The following CNTN1 variants were observed in gnomAD, a reference collection of about 807,000 sequenced individuals.
CNTN1 encodes the protein contactin 1.
CNTN1 carries 38 observed loss-of-function variants against 126.4 expected under a neutral mutation model. The ratio of observed to expected loss-of-function variants is 0.30; its 90% CI spans 0.23 to 0.39. The LOEUF (loss-of-function observed/expected upper bound fraction) is 0.39, where lower values mean the gene tolerates loss of function less well. Among genes scored for constraint, CNTN1 ranks in the 10% least tolerant of loss-of-function variants. The pLI is 1.00. For missense variants in CNTN1, 1,009 were observed against 1,248.4 expected, an observed-to-expected ratio of 0.81 and a Z score of 2.89; for synonymous variants, 413 against 422.6, an observed-to-expected ratio of 0.98 and a Z score of 0.28.
chr12:40,717,415 A>T (rs1942076667), intron 1 of CNTN1, among the ~76,000 whole-genome samples: 1 of 152,236 alleles, frequency 6.6e-6, no homozygotes, highest in Non-Finnish European at 1.5e-5. Flanking sequence ...GAAGAATGTC[A>T]TAGGGTATAG....
intron 23 of CNTN1, among the ~76,000 whole-genome samples, chr12:41,065,079 G>A (rs940043508): frequency 3.3e-5 from 5 of 151,684 alleles, no homozygotes; most frequent in South Asian, 2.1e-4. Flanking sequence ...TTTTTGAGAC[G>A]GAGTCTCGCT....
chr12:40,736,853 C>G (rs1182403464), intron 1 of CNTN1, among the ~76,000 whole-genome samples: 4 of 152,032 alleles, frequency 2.6e-5, no homozygotes, highest in African/African-American at 9.7e-5. Flanking sequence ...CTAACCTAAT[C>G]AGGACGCTGA....
At chr12:40,737,445 G>T (rs187973507) in intron 1 of CNTN1, among the ~76,000 whole-genome samples, 2 of 150,002 alleles carry the variant, frequency 1.3e-5, no homozygotes, top group Non-Finnish European at 3.0e-5. Context: ...TGCAAGCTGA[G>T]GAGCAAGGAG....
At chr12:40,892,231 A>G (rs944749638) in intron 1 of CNTN1, among the ~76,000 whole-genome samples, 1 of 152,126 alleles carries the variant, frequency 6.6e-6, no homozygotes, top group African/African-American at 2.4e-5. Context: ...GGATGCGAAT[A>G]GCAAAAAGTG....
At chr12:40,839,933 A>G (rs1464841394) in intron 1 of CNTN1, among the ~76,000 whole-genome samples, 2 of 152,148 alleles carry the variant, frequency 1.3e-5, no homozygotes, top group African/African-American at 4.8e-5. Context: ...GAAAAAGAAA[A>G]GGACAAGGAA....
At chr12:40,977,764 C>CTGTTT (rs56822606) in intron 15 of CNTN1, among the ~76,000 whole-genome samples, 1,280 of 69,050 alleles carry the variant, frequency 0.019, 15 homozygotes, top group Non-Finnish European at 0.019. Flanking sequence ...TAACAATCAT[C>CTGTTT]TGTTTTGTTT....
At chr12:40,760,732 A>G (rs528954402) in intron 1 of CNTN1, among the ~76,000 whole-genome samples, 1 of 152,312 alleles carries the variant, frequency 6.6e-6, no homozygotes, top group South Asian at 2.1e-4. Flanking sequence ...AAGTAAATCT[A>G]GTTGATAGCT....
intron 1 of CNTN1, among the ~76,000 whole-genome samples, chr12:40,825,791 G>C (rs1168830836): frequency 6.6e-6 from 1 of 151,986 alleles, no homozygotes; most frequent in Non-Finnish European, 1.5e-5. Context: ...TCTCTACTTT[G>C]CTGGGTTCTA....
At chr12:40,698,419 G>A (rs1941508230) in intron 1 of CNTN1, among the ~76,000 whole-genome samples, 1 of 151,532 alleles carries the variant, frequency 6.6e-6, no homozygotes, top group Admixed American at 6.6e-5. Flanking sequence ...TGTATTTTTA[G>A]TAGAGATGGG....
At chr12:40,933,415 A>G (rs773748002) in intron 7 of CNTN1, 46 bp from the exon 8 acceptor site, 2 of 1,222,882 alleles carry the variant, frequency 1.6e-6, no homozygotes, top group South Asian at 2.4e-5. Context: ...AATAACTAAT[A>G]TTGTGCCTAA....
intron 1 of CNTN1, among the ~76,000 whole-genome samples, chr12:40,707,916 C>A (rs539727067): frequency 6.6e-6 from 1 of 152,222 alleles, no homozygotes; most frequent in African/African-American, 2.4e-5. Flanking sequence ...AAACTAAGAG[C>A]AAAGGCCACT....
chr12:40,970,283 G>C (rs1341380699), intron 15 of CNTN1, among the ~76,000 whole-genome samples: 3 of 150,448 alleles, frequency 2.0e-5, no homozygotes, highest in African/African-American at 7.3e-5. Flanking sequence ...AGCAAACTCT[G>C]GTAAAATACC....
At chr12:41,033,567 G>A (rs1453669946) in intron 23 of CNTN1, among the ~76,000 whole-genome samples, 1 of 152,106 alleles carries the variant, frequency 6.6e-6, no homozygotes, top group African/African-American at 2.4e-5. Context: ...ACATTTTAGA[G>A]TCTGAACATT....
chr12:40,987,199 A>T (rs1947977132), intron 16 of CNTN1, among the ~76,000 whole-genome samples: 1 of 152,228 alleles, frequency 6.6e-6, no homozygotes, highest in Non-Finnish European at 1.5e-5. Context: ...CCACTAGGAA[A>T]CAAAGGTACA....
chr12:40,804,688 A>G (rs1168711034), intron 1 of CNTN1, among the ~76,000 whole-genome samples: 3 of 151,982 alleles, frequency 2.0e-5, no homozygotes, highest in Non-Finnish European at 2.9e-5. Context: ...TCTCAGGGTA[A>G]CTGGAGCACA....
intron 15 of CNTN1, among the ~76,000 whole-genome samples, chr12:40,979,726 A>G (rs1947771421): frequency 6.6e-6 from 1 of 151,954 alleles, no homozygotes; most frequent in Non-Finnish European, 1.5e-5. Context: ...TTTTTCTCTT[A>G]TTTTTATTTG....
intron 1 of CNTN1, among the ~76,000 whole-genome samples, chr12:40,846,457 C>T (rs1942506134): frequency 6.6e-6 from 1 of 152,142 alleles, no homozygotes; most frequent in Non-Finnish European, 1.5e-5. Flanking sequence ...AACAGCGAAA[C>T]TCCGTCTCAG....
At chr12:41,068,257 G>T (rs2067425402) in intron 23 of CNTN1, among the ~76,000 whole-genome samples, 1 of 152,106 alleles carries the variant, frequency 6.6e-6, no homozygotes, top group Non-Finnish European at 1.5e-5. Context: ...ACCATTGTAG[G>T]TTGTTGTAGT....
chr12:40,737,768 T>G (rs1937761119), intron 1 of CNTN1, among the ~76,000 whole-genome samples: 1 of 151,936 alleles, frequency 6.6e-6, no homozygotes, highest in Non-Finnish European at 1.5e-5. Context: ...CACAATTATA[T>G]TTTCTAATCT....
Sources: allele counts gnomAD v4.1 joint callset (sites outside exome capture counted in the v4.1 genomes callset), GRCh38; gene constraint gnomAD v4.1.1; transcripts MANE v1.5; gene names NCBI Gene and HGNC (gene_info 2026-07-23, HGNC 2026-07-21).